The following KLK15 variants were observed in gnomAD, a reference collection of about 807,000 sequenced individuals.
The protein encoded by KLK15 is kallikrein-15.
A neutral mutation model predicts 21.1 loss-of-function variants in KLK15; 19 were observed. That is an observed-to-expected ratio of 0.90 (90% confidence interval 0.63 to 1.32). The LOEUF (loss-of-function observed/expected upper bound fraction) is 1.32, where lower values mean the gene tolerates loss of function less well. KLK15 is among the 40% of genes most tolerant of loss of function. The pLI is 0.00. For synonymous variants in KLK15, 141 were observed against 141.5 expected, an observed-to-expected ratio of 1.00 and a Z score of 0.03; for missense variants, 345 against 348.6, an observed-to-expected ratio of 0.99 and a Z score of 0.08.
At chr19:50,831,424 C>A (rs2089983365) in intron 1 of KLK15, 26 bp downstream of exon 2, 1 of 1,408,866 alleles carries the variant, frequency 7.1e-7, no homozygotes, top group Non-Finnish European at 9.3e-7. Context: ...TCCCACAGAC[C>A]TGGCCCCCTC....
intron 1 of KLK15, among the ~76,000 whole-genome samples, chr19:50,829,773 C>T (rs1434154467): frequency 6.6e-6 from 1 of 151,778 alleles, no homozygotes; most frequent in Non-Finnish European, 1.5e-5. Flanking sequence ...GCTGAGGTTG[C>T]ACCACTGAAC....
At chr19:50,825,892 C>A (rs1335224208) in exon 5 of KLK15, 1 of 1,613,944 alleles carries the variant, frequency 6.2e-7, no homozygotes, top group Admixed American at 1.7e-5. Flanking sequence ...GGACGTCACC[C>A]CAGGACACAA....
chr19:50,832,460 T>A (rs1400690225), upstream of KLK15, among the ~76,000 whole-genome samples: 1 of 151,660 alleles, frequency 6.6e-6, no homozygotes, highest in Admixed American at 6.6e-5. Flanking sequence ...GCAATTGGGA[T>A]TACAGGTGTG....
At position 50,829,557 on chromosome 19, in the gene KLK15, A is replaced by C. The variant is rs181265664; in HGVS notation, c.44-1742T>G. ...TGTAATCCCAGCACTTTGGGAGGCC[A>C]AGGCCGAGGTGGGTGGATCACCTGA... On this transcript the variant is annotated intron_variant, in intron 1 of 4. Transcript: ENST00000598239. 1.3e-3 allele frequency among the ~76,000 whole-genome samples: 197 copies of C among 151,748 alleles called. 5 individuals carry two copies. The highest frequency in any genetic ancestry group is 4.6e-3 in the African/African-American group (191 of 41,464).
At chr19:50,826,392 C>T in intron 4 of KLK15, 1 of 514,658 alleles carries the variant, frequency 1.9e-6, no homozygotes, top group South Asian at 3.7e-5. Context: ...TCAACCCCAA[C>T]CCATGCCATC....
chr19:50,831,515 G>A lies in KLK15; in HGVS notation c.-23C>T, dbSNP rs113117799. The A allele has an allele frequency of 4.2e-4, 608 of 1,457,960 alleles. 2 individuals carry two copies. In the African/African-American group the frequency reaches 8.1e-3, roughly 20 times the overall value. 90.3% of individuals were successfully genotyped at this position (1,457,960 alleles called of 1,614,324 possible). On this transcript the variant is annotated 5_prime_UTR_variant, in exon 1 of 5. Transcript: ENST00000598239. ...CATTGTGGAGGAGGGACCAGGGTTC[G>A]GCTGCAGTCTGGGGAGGGAGTGAGA...
In KLK15 at chr19:50,827,931, A is replaced by T. The variant is rs548897379; in HGVS notation, c.44-116T>A. The T allele has an allele frequency of 1.8e-4, 160 of 906,296 alleles. 1 individual carries two copies. In the African/African-American group the frequency reaches 4.0e-3, roughly 23 times the overall value. 56.1% of individuals were successfully genotyped at this position (906,296 alleles called of 1,614,324 possible). ...TATGCCTTTCCCCTAACTTCTCAAG[A>T]CACCCTGCCCTGTTTTTGTTTGTTG... On this transcript the variant is annotated intron_variant, in intron 1 of 4. Coordinates refer to ENST00000598239, the Ensembl canonical transcript of KLK15.
rs765460685 is a variant in KLK15 at position 50,828,028 on chromosome 19, C to T, written c.44-213G>A. ...AGTGCAGTGGCATGATCTCAGCTCA[C>T]TGCAACTTCCGCCTCCTGGGTTCAA... On this transcript the variant is annotated intron_variant, in intron 1 of 4. Coordinates refer to ENST00000598239, the Ensembl canonical transcript of KLK15. Among the ~76,000 whole-genome samples the T allele has an allele frequency of 4.6e-5, 7 of 151,576 alleles. 1 individual carries two copies. Among genetic ancestry groups the T allele is most frequent in the Non-Finnish European group, 8.9e-5 (6 of 67,750 alleles).
upstream of KLK15, among the ~76,000 whole-genome samples, chr19:50,832,303 ACTTT>A (rs976544830): frequency 5.2e-5 from 7 of 134,634 alleles, no homozygotes; most frequent in South Asian, 9.9e-4. Context: ...CTTCAAATTC[ACTTT>A]CTTTCTTTTT....
At chr19:50,826,330 A>G in intron 4 of KLK15, 1 of 461,210 alleles carries the variant, frequency 2.2e-6, no homozygotes, top group Non-Finnish European at 3.8e-6. Context: ...CCTCATCCCA[A>G]TTCAACCCTG....
At chr19:50,828,969 C>CA (rs3078002) in intron 1 of KLK15, among the ~76,000 whole-genome samples, 2,123 of 56,470 alleles carry the variant, frequency 0.038, 176 homozygotes, top group African/African-American at 0.12. Flanking sequence ...AACTCCATCT[C>CA]AAAAAAAAAA....
intron 1 of KLK15, among the ~76,000 whole-genome samples, chr19:50,828,346 C>T (rs2089921987): frequency 6.6e-6 from 1 of 151,650 alleles, no homozygotes; most frequent in East Asian, 1.9e-4. Flanking sequence ...GGGGAACAGA[C>T]CAGAGGGCAA....
chr19:50,826,643 C>T (rs994914161), exon 4 of KLK15: 1 of 1,606,058 alleles, frequency 6.2e-7, no homozygotes, highest in Non-Finnish European at 8.5e-7. Flanking sequence ...TGCGCCTCTG[C>T]CCTCCGCGCC....
At chr19:50,826,105 A>G (rs768157884) in intron 4 of KLK15, 157 bp from the exon 6 acceptor site, 13 of 704,318 alleles carry the variant, frequency 1.8e-5, no homozygotes, top group Non-Finnish European at 2.5e-5. Context: ...TCCCAAACAG[A>G]GCCAACCCAA....
chr19:50,832,200 C>G (rs2090000273), upstream of KLK15, among the ~76,000 whole-genome samples: 1 of 152,084 alleles, frequency 6.6e-6, no homozygotes, highest in South Asian at 2.1e-4. Context: ...AGCCATGACC[C>G]CAAAGGGTCT....
At chr19:50,826,664 A>G (rs753042342) in exon 4 of KLK15, 1 of 1,613,162 alleles carries the variant, frequency 6.2e-7, no homozygotes, top group African/African-American at 1.3e-5. Flanking sequence ...TGCACACACC[A>G]TGGTGTTTGT....
At chr19:50,826,720 G>C (rs987260697) in exon 4 of KLK15, 6 of 1,613,954 alleles carry the variant, frequency 3.7e-6, no homozygotes, top group Non-Finnish European at 4.2e-6. Context: ...CCGAGATAAT[G>C]CTGATGTTGG....
chr19:50,826,909 C>A, exon 3 of KLK15: 1 of 1,575,424 alleles, frequency 6.3e-7, no homozygotes, highest in African/African-American at 1.3e-5. Context: ...CGGTCCCAGG[C>A]TCGTTGTGGG....
intron 1 of KLK15, among the ~76,000 whole-genome samples, chr19:50,829,776 C>T (rs2089950299): frequency 6.6e-6 from 1 of 151,752 alleles, no homozygotes; most frequent in Non-Finnish European, 1.5e-5. Context: ...GAGGTTGCAC[C>T]ACTGAACTCC....
Sources: gnomAD v4.1 joint callset for allele counts (sites outside exome capture counted in the v4.1 genomes callset) on GRCh38, gnomAD v4.1.1 for gene constraint, MANE v1.5 for transcripts, NCBI Gene and HGNC (gene_info 2026-07-23, HGNC 2026-07-21) for gene names.